Variants in SUPT3H observed in about 807,000 individuals in gnomAD.
SUPT3H encodes SPT3 homolog, SAGA and STAGA complex component.
SUPT3H carries 44 observed loss-of-function variants against 44.3 expected under a neutral mutation model. The ratio of observed to expected loss-of-function variants is 0.99; its 90% confidence interval spans 0.78 to 1.28. The LOEUF (loss-of-function observed/expected upper bound fraction) is 1.28, where lower values mean the gene tolerates loss of function less well. SUPT3H is among the 50% of genes most tolerant of loss of function. The pLI is 0.00. For synonymous variants in SUPT3H, 124 were observed against 125.6 expected, an observed-to-expected ratio of 0.99 and a Z score of 0.09; for missense variants, 380 against 387.1, an observed-to-expected ratio of 0.98 and a Z score of 0.15.
At position 45,244,219 on chromosome 6, in the gene SUPT3H, G is replaced by A. The variant is rs1344685009; in HGVS notation, c.101+120982C>T. Among the ~76,000 whole-genome samples, 8 of 152,168 alleles carry A rather than the reference G, an allele frequency of 5.3e-5. No homozygotes were observed. The South Asian group carries it at 8.3e-4, about 16-fold the overall frequency. The stretch of plus-strand genomic sequence containing the variant: ...TTACCATTTAGATCAGAGATGGCAC[G>A]GCCTCCGTAATTCACCTATAGGAGC... On this transcript the variant is annotated intron_variant, in intron 2 of 10. Transcript: ENST00000371459.
chr6:44,876,203 C>T (rs36178329), intron 10 of SUPT3H, among the ~76,000 whole-genome samples: 3 of 39,500 alleles, frequency 7.6e-5, no homozygotes, highest in African/African-American at 1.9e-4. Context: ...CACATGCACA[C>T]GTATGTTTAT....
intron 2 of SUPT3H, among the ~76,000 whole-genome samples, chr6:45,325,837 G>GT (rs1426812796): frequency 6.6e-6 from 1 of 151,748 alleles, no homozygotes; most frequent in East Asian, 1.9e-4. Context: ...AGTTGTCATT[G>GT]TTTTTTAAAT....
chr6:44,954,061 C>T (rs114482158), intron 8 of SUPT3H, among the ~76,000 whole-genome samples: 1,710 of 152,178 alleles, frequency 0.011, 15 homozygotes, highest in Non-Finnish European at 0.019. Flanking sequence ...TAAACAAGAA[C>T]CAAGGAGATG....
At chr6:45,041,575 T>C (rs1788536871) in intron 3 of SUPT3H, among the ~76,000 whole-genome samples, 1 of 152,172 alleles carries the variant, frequency 6.6e-6, no homozygotes, top group Admixed American at 6.5e-5. Flanking sequence ...ACCTTCAAAA[T>C]TAATGAATAA....
chr6:45,022,871 C>T (rs1785368224), intron 3 of SUPT3H, among the ~76,000 whole-genome samples: 1 of 152,042 alleles, frequency 6.6e-6, no homozygotes, highest in Admixed American at 6.6e-5. Flanking sequence ...AGTCAGCCCT[C>T]CTTATAGAGG....
At chr6:44,905,483 C>A (rs1037277277) in intron 10 of SUPT3H, among the ~76,000 whole-genome samples, 2 of 150,424 alleles carry the variant, frequency 1.3e-5, no homozygotes, top group Non-Finnish European at 3.0e-5. Context: ...CCATCTCACA[C>A]CAGTTAGAAT....
intron 10 of SUPT3H, among the ~76,000 whole-genome samples, chr6:44,849,488 A>C (rs1772509624): frequency 1.3e-5 from 2 of 152,054 alleles, no homozygotes; most frequent in Non-Finnish European, 2.9e-5. Flanking sequence ...CGGCCTCCCA[A>C]AGTGCTGGGA....
chr6:44,928,878 G>C (rs1310336355), intron 10 of SUPT3H, among the ~76,000 whole-genome samples: 54 of 13,588 alleles, frequency 4.0e-3, no homozygotes, highest in African/African-American at 1.0e-2. Flanking sequence ...ACGAGACTCC[G>C]TCTCAAAAAA....
intron 2 of SUPT3H, among the ~76,000 whole-genome samples, chr6:45,289,358 T>C (rs1395407611): frequency 6.6e-6 from 1 of 152,132 alleles, no homozygotes; most frequent in Non-Finnish European, 1.5e-5. Context: ...TCACTCATTT[T>C]TGAAATTATA....
At chr6:44,901,446 A>T (rs1308446556) in intron 10 of SUPT3H, among the ~76,000 whole-genome samples, 2 of 152,196 alleles carry the variant, frequency 1.3e-5, no homozygotes, top group Non-Finnish European at 2.9e-5. Flanking sequence ...AAATGAATGA[A>T]ATGAAGCGAG....
intron 10 of SUPT3H, among the ~76,000 whole-genome samples, chr6:44,929,969 T>C (rs1379360123): frequency 6.6e-6 from 1 of 152,098 alleles, no homozygotes; most frequent in Non-Finnish European, 1.5e-5. Context: ...ATAGGTAGCC[T>C]GGGCGCTGTG....
chr6:45,092,837 T>G (rs1046077176), intron 3 of SUPT3H, among the ~76,000 whole-genome samples: 1 of 152,028 alleles, frequency 6.6e-6, no homozygotes, highest in Non-Finnish European at 1.5e-5. Context: ...ATATATATAC[T>G]TAGAGTTTCA....
chr6:45,344,720 G>GA (rs1474551935), intron 2 of SUPT3H, among the ~76,000 whole-genome samples: 3 of 151,784 alleles, frequency 2.0e-5, no homozygotes, highest in South Asian at 2.1e-4. Context: ...AAAGCCTAGA[G>GA]AAAAAAAATC....
At chr6:45,271,118 C>T (rs1776062992) in intron 2 of SUPT3H, among the ~76,000 whole-genome samples, 2 of 152,086 alleles carry the variant, frequency 1.3e-5, no homozygotes, top group African/African-American at 4.8e-5. Context: ...GGAAATAGAG[C>T]ATAAAAGTTT....
chr6:44,887,032 T>C (rs1762417182), intron 10 of SUPT3H, among the ~76,000 whole-genome samples: 1 of 152,106 alleles, frequency 6.6e-6, no homozygotes, highest in Admixed American at 6.6e-5. Flanking sequence ...GGCCATTACA[T>C]AATGGTAAAG....
At chr6:45,315,430 A>G (rs1784533954) in intron 2 of SUPT3H, among the ~76,000 whole-genome samples, 1 of 152,164 alleles carries the variant, frequency 6.6e-6, no homozygotes, top group Non-Finnish European at 1.5e-5. Flanking sequence ...CAAATCAACA[A>G]GAAAAATCAA....
At chr6:44,856,708 C>T (rs1477265203) in intron 10 of SUPT3H, among the ~76,000 whole-genome samples, 1 of 152,178 alleles carries the variant, frequency 6.6e-6, no homozygotes, top group Non-Finnish European at 1.5e-5. Flanking sequence ...GGAAGCAGCC[C>T]AGAAGCTTGT....
At chr6:45,023,805 T>C (rs916825741) in intron 3 of SUPT3H, among the ~76,000 whole-genome samples, 2 of 152,150 alleles carry the variant, frequency 1.3e-5, no homozygotes, top group African/African-American at 4.8e-5. Context: ...TCTTGGGTAG[T>C]GGGCTTAATT....
At chr6:44,939,618 G>A (rs1772073082) in intron 9 of SUPT3H, among the ~76,000 whole-genome samples, 1 of 151,936 alleles carries the variant, frequency 6.6e-6, no homozygotes, top group Admixed American at 6.6e-5. Flanking sequence ...ATTTTTTGGG[G>A]CAGGTTCAGG....
Sources: gnomAD v4.1 joint callset for allele counts (sites outside exome capture counted in the v4.1 genomes callset) on GRCh38, gnomAD v4.1.1 for gene constraint, MANE v1.5 for transcripts, NCBI Gene and HGNC (gene_info 2026-07-23, HGNC 2026-07-21) for gene names.